Variants in NUBPL observed in about 807,000 individuals in gnomAD.
NUBPL encodes the protein NUBP iron-sulfur cluster assembly factor, mitochondrial, also known as iron-sulfur cluster transfer protein NUBPL.
In NUBPL, 31 loss-of-function variants were observed where a neutral mutation model predicts 45.7. The observed-to-expected ratio is 0.68, with a 90% confidence interval of 0.51 to 0.92. The LOEUF (loss-of-function observed/expected upper bound fraction) is 0.92, where lower values mean the gene tolerates loss of function less well. Among genes scored for constraint, NUBPL ranks in the 40% least tolerant of loss-of-function variants. The pLI is 0.00. For missense variants in NUBPL, 401 were observed against 398.7 expected (o/e 1.01, Z -0.05); for synonymous variants, 144 against 140.9 (o/e 1.02, Z -0.15).
intron 3 of NUBPL, among the ~76,000 whole-genome samples, chr14:31,589,921 A>C (rs2034099708): frequency 6.6e-6 from 1 of 152,226 alleles, no homozygotes; most frequent in Non-Finnish European, 1.5e-5. Flanking sequence ...AGTAAAGTGC[A>C]GCTTGCTGTC....
At chr14:31,638,934 A>G (rs529077796) in intron 4 of NUBPL, among the ~76,000 whole-genome samples, 3 of 152,250 alleles carry the variant, frequency 2.0e-5, no homozygotes, top group Non-Finnish European at 2.9e-5. Context: ...TTTCAGCTCC[A>G]TCAGCTCCTT....
chr14:31,608,477 C>T (rs1409295100), intron 4 of NUBPL, among the ~76,000 whole-genome samples: 2 of 152,010 alleles, frequency 1.3e-5, no homozygotes, highest in African/African-American at 2.4e-5. Flanking sequence ...TCACTTGAAC[C>T]CAGGAGGCAG....
chr14:31,590,950 T>A (rs969714184), intron 3 of NUBPL, among the ~76,000 whole-genome samples: 43 of 152,222 alleles, frequency 2.8e-4, no homozygotes, highest in Non-Finnish European at 1.5e-4. Context: ...TATTCCTGAT[T>A]TACTTTTCCC....
chr14:31,655,137 C>G (rs988333691), intron 4 of NUBPL, among the ~76,000 whole-genome samples: 25 of 152,166 alleles, frequency 1.6e-4, no homozygotes, highest in African/African-American at 6.0e-4. Flanking sequence ...CTTTGATCCC[C>G]TCCAATGAAT....
chr14:31,840,035 A>T (rs2040343456), intron 8 of NUBPL, among the ~76,000 whole-genome samples: 1 of 152,190 alleles, frequency 6.6e-6, no homozygotes, highest in Admixed American at 6.5e-5. Context: ...ATTAAGGAAA[A>T]TAGTATGGAG....
intron 6 of NUBPL, among the ~76,000 whole-genome samples, chr14:31,696,714 C>T (rs2037222230): frequency 6.6e-6 from 1 of 152,166 alleles, no homozygotes; most frequent in African/African-American, 2.4e-5. Context: ...AGAGGTAGAC[C>T]TTTCCCTGAT....
intron 6 of NUBPL, among the ~76,000 whole-genome samples, chr14:31,723,845 C>A (rs888432805): frequency 6.6e-6 from 1 of 152,040 alleles, no homozygotes; most frequent in Non-Finnish European, 1.5e-5. Context: ...ACTTTTAGAC[C>A]GAGACTATAG....
chr14:31,840,435 G>A (rs956734528), intron 8 of NUBPL, among the ~76,000 whole-genome samples: 2 of 151,994 alleles, frequency 1.3e-5, no homozygotes, highest in Non-Finnish European at 2.9e-5. Context: ...TTAGCCAGAC[G>A]TGGTGGCGGG....
At chr14:31,577,013 G>A (rs1249877171) in intron 3 of NUBPL, among the ~76,000 whole-genome samples, 2 of 152,198 alleles carry the variant, frequency 1.3e-5, no homozygotes, top group Non-Finnish European at 2.9e-5. Flanking sequence ...GAAGCTGTAT[G>A]GCTTTTTGTG....
intron 6 of NUBPL, among the ~76,000 whole-genome samples, chr14:31,744,765 G>A (rs980687041): frequency 5.7e-4 from 86 of 151,814 alleles, no homozygotes; most frequent in African/African-American, 1.9e-3. Context: ...GGGACTACAG[G>A]CATGCACCAC....
intron 4 of NUBPL, among the ~76,000 whole-genome samples, chr14:31,657,913 A>T (rs1202568721): frequency 6.6e-6 from 1 of 152,156 alleles, no homozygotes; most frequent in Non-Finnish European, 1.5e-5. Flanking sequence ...GTCAGAACTA[A>T]TAGAAGAAAA....
At chr14:31,566,658 A>G (rs1172109946) in intron 3 of NUBPL, among the ~76,000 whole-genome samples, 1 of 152,078 alleles carries the variant, frequency 6.6e-6, no homozygotes, top group Admixed American at 6.6e-5. Flanking sequence ...TTTCCTGCCA[A>G]AAGGAACTTT....
intron 6 of NUBPL, among the ~76,000 whole-genome samples, chr14:31,719,193 C>T (rs572520556): frequency 7.8e-4 from 118 of 152,246 alleles, no homozygotes; most frequent in African/African-American, 2.7e-3. Context: ...GTTGCTGCCG[C>T]CCTGCATCGC....
intron 4 of NUBPL, among the ~76,000 whole-genome samples, chr14:31,634,298 C>G (rs1238785176): frequency 7.5e-6 from 1 of 132,644 alleles, no homozygotes; most frequent in Non-Finnish European, 1.5e-5. Flanking sequence ...TCCATGTGTT[C>G]TCATTGTTCA....
chr14:31,828,968 T>C (rs768600716), intron 8 of NUBPL, among the ~76,000 whole-genome samples: 12 of 152,178 alleles, frequency 7.9e-5, no homozygotes, highest in Non-Finnish European at 1.6e-4. Context: ...GGAAGTATTG[T>C]GAGGAAGTAT....
chr14:31,835,299 A>G (rs1340996333), intron 8 of NUBPL, among the ~76,000 whole-genome samples: 2 of 152,172 alleles, frequency 1.3e-5, no homozygotes, highest in Non-Finnish European at 2.9e-5. Context: ...AATTCCATGC[A>G]CAAAAGTCTC....
In NUBPL at chr14:31,846,685, G is replaced by C. The variant is rs914940529; in HGVS notation, c.814+94G>C. On this transcript the variant is annotated intron_variant, in intron 9 of 10. Transcript: ENST00000281081. ...TAAGAGTGTCTCAGAGGCCGGGCAC[G>C]GAGTCTCACACCTGTAATCCCAGCA... The C allele has an allele frequency of 9.6e-6, 15 of 1,558,754 alleles. No homozygotes were observed. The Admixed American group carries it at 2.8e-4, about 29-fold the overall frequency.
chr14:31,807,998 C>G (rs1429277923), intron 7 of NUBPL, among the ~76,000 whole-genome samples: 1 of 152,148 alleles, frequency 6.6e-6, no homozygotes, highest in Non-Finnish European at 1.5e-5. Flanking sequence ...GTTTTGGTAC[C>G]AGTACCATGC....
chr14:31,561,458 C>G lies in NUBPL; in HGVS notation c.19C>G (p.Leu7Val). The G allele has an allele frequency of 7.0e-7, 1 of 1,420,966 alleles. No individual in the cohort carries two copies. The highest frequency in any genetic ancestry group is 1.7e-5 in the South Asian group (1 of 59,498). The allele number at this position is 1,420,966 out of a possible 1,614,324, so 88.0% of individuals were successfully genotyped here. The part of the protein sequence containing the change: MGIWQR[L>V]LLFGGVSLRA... Reference sequence around the variant, plus strand: ...CCGCGTCATGGGGATTTGGCAGCGTCTGCTGCTTTTTGGTGGGGTGTCGCT... The same window carrying G: ...CCGCGTCATGGGGATTTGGCAGCGTGTGCTGCTTTTTGGTGGGGTGTCGCT... The change falls in exon 1 of 11, where the codon CTG becomes GTG. Residue 7 changes from leucine to valine, a missense_variant. Coordinates refer to ENST00000281081, the MANE Select transcript of NUBPL (RefSeq NM_025152.3).
Sources: gnomAD v4.1 joint callset for allele counts (sites outside exome capture counted in the v4.1 genomes callset) on GRCh38, gnomAD v4.1.1 for gene constraint, MANE v1.5 for transcripts, NCBI Gene and HGNC (gene_info 2026-07-23, HGNC 2026-07-21) for gene names.